Variants in JKAMP observed in about 807,000 individuals in gnomAD.
JKAMP encodes JNK1/MAPK8-associated membrane protein.
A neutral mutation model predicts 40.2 loss-of-function variants in JKAMP; 20 were observed. That is an observed-to-expected ratio of 0.50 (90% CI 0.35 to 0.72). JKAMP has a LOEUF of 0.72. Ranked by LOEUF, JKAMP falls within the 30% of genes least tolerant of loss-of-function variation. The probability of loss-of-function intolerance (pLI) is 0.01; values close to 1 mark genes in which losing one functional copy is unlikely to be tolerated. For synonymous variants in JKAMP, 138 were observed against 131.6 expected, an observed-to-expected ratio of 1.05 and a Z score of -0.33; for missense variants, 276 against 373.0, an observed-to-expected ratio of 0.74 and a Z score of 2.14.
chr14:59,490,960 C>T (rs546330764), intron 3 of JKAMP, among the ~76,000 whole-genome samples: 55 of 152,122 alleles, frequency 3.6e-4, no homozygotes, highest in Admixed American at 1.0e-3. Flanking sequence ...TGAGGGAAGG[C>T]GAGGAGTGAC....
intron 2 of JKAMP, 51 bp downstream of exon 2, chr14:59,486,855 T>G (rs1890619811): frequency 9.8e-6 from 12 of 1,228,592 alleles, no homozygotes; most frequent in Middle Eastern, 4.1e-4. Flanking sequence ...TATTTGCTTT[T>G]GAAATATTTT....
At chr14:59,499,408 A>C (rs565328777) in intron 5 of JKAMP, among the ~76,000 whole-genome samples, 116 of 152,304 alleles carry the variant, frequency 7.6e-4, no homozygotes, top group African/African-American at 2.6e-3. Context: ...TTTATTATTA[A>C]GTAGGGTCTT....
At chr14:59,492,396 G>A (rs1204896963) in intron 3 of JKAMP, among the ~76,000 whole-genome samples, 1 of 152,192 alleles carries the variant, frequency 6.6e-6, no homozygotes, top group Non-Finnish European at 1.5e-5. Context: ...ATGTTGGGTA[G>A]GTGTGGGAGT....
At chr14:59,486,989 T>C (rs2139856619) in intron 2 of JKAMP, among the ~76,000 whole-genome samples, 185 bp downstream of exon 2, 1 of 152,144 alleles carries the variant, frequency 6.6e-6, no homozygotes, top group East Asian at 1.9e-4. Flanking sequence ...TCACTTGAGG[T>C]CAGGAGTTCG....
intron 2 of JKAMP, 82 bp downstream of exon 2, chr14:59,486,886 A>G: frequency 1.1e-6 from 1 of 944,318 alleles, no homozygotes; most frequent in Non-Finnish European, 1.6e-6. Context: ...ATTTTTTGTT[A>G]TTATACTCAT....
In JKAMP at chr14:59,503,922, C is replaced by T. The variant is rs1892151149; in HGVS notation, c.786C>T (p.Ala262=). The T allele has an allele frequency of 6.2e-7, 1 of 1,613,452 alleles. No individual in the cohort carries two copies. The highest frequency in any genetic ancestry group is 1.3e-5 in the African/African-American group (1 of 74,912). Residue 262 remains alanine (A), a synonymous_variant, in exon 7 of 7, where the codon GCC becomes GCT. Transcript: ENST00000616435. ...IVLFSHWLLH[A]YGIISISRVD... is the part of the protein sequence containing the mutation. Reference sequence around the variant, plus strand: ...TCTTCAGCCACTGGTTACTTCATGCCTATGGAATAATCTCCATTTCCAGAG... The same window carrying T: ...TCTTCAGCCACTGGTTACTTCATGCTTATGGAATAATCTCCATTTCCAGAG...
rs756588450 is a variant in JKAMP, at chr14:59,486,701, GTT to G, written c.5-8_5-7del. 5.8e-6 allele frequency: 9 copies of G among 1,551,028 alleles called. No homozygotes were observed. The highest frequency in any genetic ancestry group is 6.1e-6 in the Non-Finnish European group (7 of 1,139,818). ...AAAAGATGTTACTATACTGGCATTT[GTT>G]TTTAAAAAGCTGTCGATATTCAACC... On this transcript the variant is annotated splice_polypyrimidine_tract_variant and intron_variant, in intron 1 of 6. Coordinates refer to ENST00000616435, the MANE Select transcript of JKAMP (RefSeq NM_016475.5).
chr14:59,489,738 C>T (rs1890845210), intron 3 of JKAMP, among the ~76,000 whole-genome samples: 1 of 152,102 alleles, frequency 6.6e-6, no homozygotes, highest in African/African-American at 2.4e-5. Context: ...GTTTTGCAGG[C>T]TGTACATGAA....
chr14:59,486,844 C>G, intron 2 of JKAMP, 40 bp downstream of exon 2: 2 of 1,288,266 alleles, frequency 1.6e-6, no homozygotes, highest in Non-Finnish European at 2.2e-6. Context: ...TTTGTAAAAT[C>G]TATTTGCTTT....
chr14:59,484,883 T>G lies in JKAMP; in HGVS notation c.4+290T>G, dbSNP rs1890407594. 6 of 1,311,556 alleles carry G rather than the reference T, an allele frequency of 4.6e-6. No individual in the cohort carries two copies. In the South Asian group the frequency reaches 7.7e-5, roughly 17 times the overall value. 81.2% of individuals were successfully genotyped at this position (1,311,556 alleles called of 1,614,324 possible). A position where few individuals can be genotyped will look rare whatever the true frequency, so the allele number is the denominator to read the frequency against. On this transcript the variant is annotated intron_variant, in intron 1 of 6. Coordinates refer to ENST00000616435, the MANE Select transcript of JKAMP (RefSeq NM_016475.5). The stretch of plus-strand genomic sequence containing the variant: ...AGTTTAATGTCGAGGGAACACTTGC[T>G]TGAGGGTTGACTTCGGAATTGAAAA...
intron 4 of JKAMP, among the ~76,000 whole-genome samples, chr14:59,497,613 G>T (rs1891546306): frequency 6.6e-6 from 1 of 152,072 alleles, no homozygotes; most frequent in Admixed American, 6.6e-5. Context: ...AACACATAAT[G>T]GTTTCCTCTT....
At position 59,503,882 on chromosome 14, in the gene JKAMP, A is replaced by G; in HGVS notation, c.746A>G (p.Lys249Arg). 6.2e-7 allele frequency: 1 copy of G among 1,612,722 alleles called. No homozygotes were observed. Among genetic ancestry groups the G allele is most frequent in the Non-Finnish European group, 8.5e-7 (1 of 1,178,752 alleles). ...ENCYDLLVRKKRLIVLFSHWL... is the reference protein window; with the variant it reads ...ENCYDLLVRKRRLIVLFSHWL... The stretch of plus-strand genomic sequence containing the variant: ...TGCTATGATCTTCTGGTCAGAAAGA[A>G]AAGACTTATTGTTCTCTTCAGCCAC... The change falls in exon 7 of 7, where the codon AAA becomes AGA. Residue 249 changes from lysine (K) to arginine (R), a missense_variant. Transcript: ENST00000616435.
Position 59,495,128 on chromosome 14 carries a change from G to A in JKAMP, c.362G>A (p.Arg121Gln), listed in dbSNP as rs1439962201. Residue 121 changes from arginine to glutamine, a missense_variant, in exon 4 of 7, where the codon CGA becomes CAA. Arg to Gln is a conservative substitution (Grantham distance 43, BLOSUM62 1). Coordinates refer to ENST00000616435, the MANE Select transcript of JKAMP (RefSeq NM_016475.5). Reference sequence around the variant, plus strand: ...GGTGTTCTTTATATTCGTTCATGTCGAGTATTGATGCTTTCTGACTGGTAC... The same window carrying A: ...GGTGTTCTTTATATTCGTTCATGTCAAGTATTGATGCTTTCTGACTGGTAC... The part of the protein sequence containing the change: ...PVGVLYIRSC[R>Q]VLMLSDWYTM... 5.0e-6 allele frequency: 8 copies of A among 1,613,388 alleles called. No individual in the cohort carries two copies. Among genetic ancestry groups the A allele is most frequent in the East Asian group, 4.5e-5 (2 of 44,882 alleles).
At chr14:59,501,058 C>G (rs1891840813) in intron 5 of JKAMP, 133 bp from the exon 6 acceptor site, 3 of 609,126 alleles carry the variant, frequency 4.9e-6, no homozygotes, top group Admixed American at 6.4e-5. Context: ...GCCTCAGAAC[C>G]TTAGGTTGTA....
At chr14:59,485,060 C>T in intron 1 of JKAMP, 1 of 1,598,282 alleles carries the variant, frequency 6.3e-7, no homozygotes, top group Non-Finnish European at 8.5e-7. Context: ...AGCCATCGTT[C>T]GCTAAAGGAA....
chr14:59,495,361 A>G (rs960127645), intron 4 of JKAMP, 137 bp downstream of exon 4: 5 of 617,026 alleles, frequency 8.1e-6, no homozygotes, highest in African/African-American at 7.4e-5. Flanking sequence ...TACCTTGAAC[A>G]TGTAAACAGC....
At chr14:59,501,013 A>T in intron 5 of JKAMP, 178 bp from the exon 6 acceptor site, 1 of 560,336 alleles carries the variant, frequency 1.8e-6, no homozygotes, top group Non-Finnish European at 3.1e-6. Flanking sequence ...ACTATTTACT[A>T]TCTTGCCCTT....
At chr14:59,494,809 G>A (rs1891314870) in intron 3 of JKAMP, among the ~76,000 whole-genome samples, 1 of 152,138 alleles carries the variant, frequency 6.6e-6, no homozygotes, top group Non-Finnish European at 1.5e-5. Flanking sequence ...AAGATGCAGG[G>A]TAGATATAAT....
chr14:59,498,665 T>C (rs1344049369), intron 4 of JKAMP, 62 bp from the exon 5 acceptor site: 1 of 909,496 alleles, frequency 1.1e-6, no homozygotes, highest in Non-Finnish European at 1.6e-6. Context: ...TTAAAAATGA[T>C]CAAGATTAAA....
Sources: allele counts gnomAD v4.1 joint callset (sites outside exome capture counted in the v4.1 genomes callset), GRCh38; gene constraint gnomAD v4.1.1; transcripts MANE v1.5; gene names NCBI Gene and HGNC (gene_info 2026-07-23, HGNC 2026-07-21).